The following GRM3 variants were observed in gnomAD, a reference collection of about 807,000 sequenced individuals.
GRM3 encodes metabotropic glutamate receptor 3.
GRM3 carries 26 observed loss-of-function variants against 70.5 expected under a neutral mutation model. The ratio of observed to expected loss-of-function variants is 0.37; its 90% CI spans 0.27 to 0.51. The LOEUF (loss-of-function observed/expected upper bound fraction) is 0.51, where lower values mean the gene tolerates loss of function less well. GRM3 is among the 20% of genes least tolerant of loss of function. The pLI is 0.93. For missense variants in GRM3, 859 were observed against 1,123.8 expected (o/e 0.76, Z 3.37); for synonymous variants, 443 against 434.9 (o/e 1.02, Z -0.23).
At chr7:86,690,174 G>A (rs752863924) in intron 1 of GRM3, among the ~76,000 whole-genome samples, 22 of 152,150 alleles carry the variant, frequency 1.4e-4, no homozygotes, top group Admixed American at 1.3e-3. Context: ...GAAGAGAATG[G>A]AGAGTTCCAA....
intron 1 of GRM3, among the ~76,000 whole-genome samples, chr7:86,706,715 G>C (rs1795066455): frequency 6.6e-6 from 1 of 151,970 alleles, no homozygotes; most frequent in Non-Finnish European, 1.5e-5. Flanking sequence ...CCAGGCACAT[G>C]ATCTTGAACT....
At chr7:86,692,057 A>G (rs757607059) in intron 1 of GRM3, among the ~76,000 whole-genome samples, 17 of 152,190 alleles carry the variant, frequency 1.1e-4, no homozygotes, top group Non-Finnish European at 2.4e-4. Flanking sequence ...GTGATTTCAC[A>G]GAGTCTGGGC....
intron 1 of GRM3, among the ~76,000 whole-genome samples, chr7:86,675,275 T>C (rs561141253): frequency 6.6e-6 from 1 of 152,236 alleles, no homozygotes; most frequent in African/African-American, 2.4e-5. Flanking sequence ...CATTTTCAAG[T>C]AGGATTTATA....
chr7:86,731,405 A>G (rs760243429), intron 1 of GRM3, among the ~76,000 whole-genome samples: 2 of 152,174 alleles, frequency 1.3e-5, no homozygotes, highest in Admixed American at 6.5e-5. Context: ...TTCTGCCTCC[A>G]TGATTCTTTC....
At chr7:86,779,378 G>A (rs1796981799) in intron 2 of GRM3, among the ~76,000 whole-genome samples, 1 of 152,094 alleles carries the variant, frequency 6.6e-6, no homozygotes, top group South Asian at 2.1e-4. Flanking sequence ...CATATTGCCT[G>A]CTGGTGGTCA....
At chr7:86,808,498 A>G (rs1322691629) in intron 3 of GRM3, among the ~76,000 whole-genome samples, 1 of 150,530 alleles carries the variant, frequency 6.6e-6, no homozygotes, top group African/African-American at 2.5e-5. Context: ...TTTTTCCCCC[A>G]CAAATAAGCT....
intron 1 of GRM3, among the ~76,000 whole-genome samples, chr7:86,721,373 A>G (rs1411724582): frequency 6.6e-6 from 1 of 152,074 alleles, no homozygotes; most frequent in African/African-American, 2.4e-5. Context: ...TTTGACCCCT[A>G]AAAACCTGGA....
Position 86,790,878 on chromosome 7 carries a change from C to G in GRM3, c.1324+3762C>G, listed in dbSNP as rs141204439. ...AATGCATTACCCCCAACCCCCACTACAGATGCCCCTATTTCCCTTGTACCC... is the reference window on the plus strand; with the variant it reads ...AATGCATTACCCCCAACCCCCACTAGAGATGCCCCTATTTCCCTTGTACCC... On this transcript the variant is annotated intron_variant, in intron 3 of 5. Transcript: ENST00000361669. Among the ~76,000 whole-genome samples, 751 of 152,184 alleles carry G rather than the reference C, an allele frequency of 4.9e-3. 6 individuals are homozygous for G. Among genetic ancestry groups the G allele is most frequent in the Non-Finnish European group, 8.3e-3 (563 of 68,002 alleles).
intron 4 of GRM3, among the ~76,000 whole-genome samples, chr7:86,844,655 A>G (rs1200429908): frequency 6.6e-6 from 1 of 152,178 alleles, no homozygotes; most frequent in Non-Finnish European, 1.5e-5. Context: ...TACTGGGGTC[A>G]GAACCATCCC....
chr7:86,735,285 T>C (rs969855590), intron 1 of GRM3, among the ~76,000 whole-genome samples: 1 of 152,074 alleles, frequency 6.6e-6, no homozygotes, highest in Middle Eastern at 3.4e-3. Flanking sequence ...TACAAATAAA[T>C]GCTCTATGCA....
chr7:86,685,906 C>CA (rs71117516), intron 1 of GRM3, among the ~76,000 whole-genome samples: 18,165 of 74,032 alleles, frequency 0.25, 1,761 homozygotes, highest in African/African-American at 0.35. Context: ...ACTCTGTCTC[C>CA]AAAAAAAAAA....
chr7:86,654,440 C>T (rs1196841958), intron 1 of GRM3, among the ~76,000 whole-genome samples: 3 of 152,264 alleles, frequency 2.0e-5, no homozygotes, highest in Middle Eastern at 3.4e-3. Flanking sequence ...CTTGACCGTT[C>T]TGATGGTTAC....
chr7:86,773,950 A>G (rs1162408522), intron 2 of GRM3, among the ~76,000 whole-genome samples: 1 of 152,130 alleles, frequency 6.6e-6, no homozygotes, highest in African/African-American at 2.4e-5. Context: ...AGGATGGTCC[A>G]GGCTTACACT....
At position 86,786,538 on chromosome 7, in the gene GRM3, G is replaced by T. The variant is rs756902604; in HGVS notation, c.746G>T (p.Arg249Leu). The T allele has an allele frequency of 6.2e-6, 10 of 1,614,012 alleles. No homozygotes were observed. Among genetic ancestry groups the T allele is most frequent in the Non-Finnish European group, 8.5e-6 (10 of 1,180,046 alleles). ...ATCGCTACGGCGGAGAAGGTGGGCC[G>T]CTCCAACATCCGCAAGTCCTACGAC... ...ICIATAEKVG[R>L]SNIRKSYDSV... The change falls in exon 3 of 6, where the codon CGC (arginine) becomes CTC (leucine). Residue 249 changes from arginine to leucine, a missense_variant. Coordinates refer to ENST00000361669, the MANE Select transcript of GRM3 (RefSeq NM_000840.3). The surrounding 1 kb of genome is among the most constrained non-coding windows in gnomAD (Gnocchi z 6.0).
In GRM3 at chr7:86,643,954, C is replaced by T. The variant is rs1793391332; in HGVS notation, c.-1059C>T. The T allele has an allele frequency of 6.5e-6, 1 of 152,690 alleles. No individual in the cohort carries two copies. The highest frequency in any genetic ancestry group is 6.5e-5 in the Admixed American group (1 of 15,296). 9.5% of individuals were successfully genotyped at this position (152,690 alleles called of 1,614,324 possible). A position where few individuals can be genotyped will look rare whatever the true frequency, so the allele number is the denominator to read the frequency against. On this transcript the variant is annotated 5_prime_UTR_variant, in exon 1 of 6. Coordinates refer to ENST00000361669, the MANE Select transcript of GRM3 (RefSeq NM_000840.3). ...GAGTACGGCTGAGCTGCGTACCGGC[C>T]TCCCTGGCTCTCACACTCCCTCTCT...
chr7:86,858,440 G>A (rs1269987630), intron 5 of GRM3, among the ~76,000 whole-genome samples: 1 of 152,054 alleles, frequency 6.6e-6, no homozygotes, highest in African/African-American at 2.4e-5. Flanking sequence ...ATCAGGGTGG[G>A]GCCCCCATGA....
rs932670943 is a variant in GRM3, at chr7:86,728,266, T to C, written c.-140-36740T>C. 8.5e-5 allele frequency among the ~76,000 whole-genome samples: 13 copies of C among 152,260 alleles called. No individual in the cohort carries two copies. The South Asian group carries it at 2.7e-3, about 32-fold the overall frequency. The stretch of plus-strand genomic sequence containing the variant: ...CTTAGAATTAAGACAACAATGTAAC[T>C]GGCAGGAGCATTCTCCATCCTGTAA... On this transcript the variant is annotated intron_variant, in intron 1 of 5. Transcript: ENST00000361669.
chr7:86,671,957 T>C (rs1431318052), intron 1 of GRM3, among the ~76,000 whole-genome samples: 1 of 152,188 alleles, frequency 6.6e-6, no homozygotes, highest in African/African-American at 2.4e-5. Flanking sequence ...GCCCACATTA[T>C]TCTTTATTAA....
At chr7:86,843,733 G>A (rs1302427929) in intron 4 of GRM3, among the ~76,000 whole-genome samples, 3 of 152,182 alleles carry the variant, frequency 2.0e-5, no homozygotes, top group African/African-American at 7.2e-5. Flanking sequence ...ACATAGGCAA[G>A]TCTCTCCTCT....
Sources: allele counts gnomAD v4.1 joint callset (sites outside exome capture counted in the v4.1 genomes callset), GRCh38; gene constraint gnomAD v4.1.1; non-coding constraint Gnocchi (gnomAD v3.1); transcripts MANE v1.5; gene names NCBI Gene and HGNC (gene_info 2026-07-23, HGNC 2026-07-21).